The following CCDC6 variants were observed in gnomAD, a reference collection of about 807,000 sequenced individuals.
CCDC6 encodes coiled-coil domain-containing protein 6.
Under a neutral mutation model 56.6 loss-of-function variants are expected in CCDC6, and 20 were observed. The ratio of observed to expected loss-of-function variants is 0.35; its 90% CI spans 0.25 to 0.51. CCDC6 has a LOEUF of 0.51. Ranked by LOEUF, CCDC6 falls within the 20% of genes least tolerant of loss-of-function variation. CCDC6 has a pLI of 0.95. For missense variants in CCDC6, 367 were observed against 601.1 expected, an observed-to-expected ratio of 0.61 and a Z score of 4.07; for synonymous variants, 241 against 234.4, an observed-to-expected ratio of 1.03 and a Z score of -0.26.
At position 59,868,057 on chromosome 10, in the gene CCDC6, T is replaced by G. The variant is rs549119594; in HGVS notation, c.304-15355A>C. On this transcript the variant is annotated intron_variant, in intron 1 of 8. Transcript: ENST00000263102. The stretch of plus-strand genomic sequence containing the variant: ...ACCTCCTGAAGCTTTGTTACAGGCG[T>G]GTCCTTAACCTTGGCAAAATAAACT... Among the ~76,000 whole-genome samples the G allele has an allele frequency of 5.2e-4, 79 of 152,340 alleles. 1 individual carries two copies. The highest frequency in any genetic ancestry group is 1.7e-3 in the African/African-American group (71 of 41,580).
chr10:59,830,759 C>T (rs2132642839), intron 3 of CCDC6, among the ~76,000 whole-genome samples: 1 of 152,246 alleles, frequency 6.6e-6, no homozygotes, highest in South Asian at 2.1e-4. Flanking sequence ...GACTTTTTCC[C>T]AGGAACAATA....
rs781286341 is a variant in CCDC6 at position 59,792,683 on chromosome 10, C to T, written c.*234G>A. On this transcript the variant is annotated 3_prime_UTR_variant, in exon 9 of 9. Transcript: ENST00000263102. ...GCGAAGGTTCCAGCCAGGGAATGGA[C>T]GTACATGAAGATTCAAGTAAAACAC... The T allele has an allele frequency of 2.0e-5, 15 of 752,170 alleles. No individual in the cohort carries two copies. The highest frequency in any genetic ancestry group is 3.2e-5 in the Non-Finnish European group (13 of 410,342). 46.6% of individuals were successfully genotyped at this position (752,170 alleles called of 1,614,324 possible).
intron 1 of CCDC6, among the ~76,000 whole-genome samples, chr10:59,856,939 C>T (rs149747481): frequency 1.1e-3 from 167 of 152,206 alleles, no homozygotes; most frequent in African/African-American, 3.7e-3. Flanking sequence ...CCCTTTTGTA[C>T]GGTAGACTGG....
intron 3 of CCDC6, among the ~76,000 whole-genome samples, chr10:59,828,460 T>C (rs2132641545): frequency 6.6e-6 from 1 of 152,306 alleles, no homozygotes; most frequent in Admixed American, 6.5e-5. Context: ...CTAAAATAAA[T>C]GATTAAGAAC....
intron 1 of CCDC6, among the ~76,000 whole-genome samples, chr10:59,876,453 T>G (rs373281974): frequency 1.3e-5 from 2 of 152,048 alleles, no homozygotes; most frequent in Non-Finnish European, 2.9e-5. Flanking sequence ...GTTTCTAACA[T>G]TTTTGAAAAG....
intron 2 of CCDC6, among the ~76,000 whole-genome samples, chr10:59,842,038 T>C (rs796960264): frequency 2.7e-4 from 41 of 152,050 alleles, no homozygotes; most frequent in African/African-American, 8.4e-4. Context: ...GGCAGCCTTT[T>C]TGTAAACACT....
intron 1 of CCDC6, among the ~76,000 whole-genome samples, chr10:59,899,988 A>G (rs1479010750): frequency 1.3e-5 from 2 of 152,210 alleles, no homozygotes; most frequent in Non-Finnish European, 2.9e-5. Flanking sequence ...GAGTGGCTCT[A>G]TGAAGACAAG....
At chr10:59,832,971 A>T (rs1016511779) in intron 2 of CCDC6, among the ~76,000 whole-genome samples, 9 of 152,244 alleles carry the variant, frequency 5.9e-5, no homozygotes, top group African/African-American at 2.2e-4. Flanking sequence ...AATGAATTGC[A>T]GTTTATTCAG....
intron 1 of CCDC6, among the ~76,000 whole-genome samples, chr10:59,900,684 A>G (rs1190962471): frequency 6.6e-6 from 1 of 152,210 alleles, no homozygotes; most frequent in Non-Finnish European, 1.5e-5. Context: ...AGTCACCACA[A>G]ACCAGATACT....
In CCDC6 at chr10:59,835,932, G is replaced by T. The variant is rs552746601; in HGVS notation, c.454-3279C>A. ...GCTGGACACGGTGGTGCGCGCACCTGTAGTCCCAGCTACTCAGGAGACTGA... is the reference window on the plus strand; with the variant it reads ...GCTGGACACGGTGGTGCGCGCACCTTTAGTCCCAGCTACTCAGGAGACTGA... On this transcript the variant is annotated intron_variant, in intron 2 of 8. Transcript: ENST00000263102. Among the ~76,000 whole-genome samples the T allele has an allele frequency of 5.9e-4, 90 of 151,676 alleles. 3 individuals are homozygous for T. The South Asian group carries it at 0.016, about 27-fold the overall frequency.
intron 1 of CCDC6, among the ~76,000 whole-genome samples, chr10:59,875,553 T>C (rs2071271628): frequency 6.6e-6 from 1 of 152,210 alleles, no homozygotes; most frequent in African/African-American, 2.4e-5. Flanking sequence ...CCTCAAGCAC[T>C]AGCAGTTCAT....
At chr10:59,834,473 G>A (rs2070863407) in intron 2 of CCDC6, among the ~76,000 whole-genome samples, 1 of 151,834 alleles carries the variant, frequency 6.6e-6, no homozygotes, top group African/African-American at 2.4e-5. Context: ...TTGAACCCAG[G>A]AGGCAGGGGT....
chr10:59,805,539 T>C (rs2070614059), intron 6 of CCDC6: 1 of 152,158 alleles, frequency 6.6e-6, no homozygotes, highest in East Asian at 1.9e-4. Context: ...TTCCTTAGAG[T>C]GTATCTTACC....
At chr10:59,822,005 C>G (rs530081393) in intron 3 of CCDC6, among the ~76,000 whole-genome samples, 2 of 152,212 alleles carry the variant, frequency 1.3e-5, no homozygotes, top group South Asian at 4.1e-4. Flanking sequence ...AAACAGCAAT[C>G]CATTAATATG....
rs1167007522 is a variant in CCDC6 at position 59,869,389 on chromosome 10, C to CAAAAA, written c.304-16692_304-16688dup. 5.4e-3 allele frequency among the ~76,000 whole-genome samples: 33 copies of CAAAAA among 6,096 alleles called. 11 individuals carry two copies. Among genetic ancestry groups the CAAAAA allele is most frequent in the African/African-American group, 0.01 (23 of 2,230 alleles). The allele number at this position is 6,096 out of a possible 152,430, so 4.0% of individuals were successfully genotyped here. ...GCAGTGAGACATGGACTTGCTCAGG[C>CAAAAA]AAAAAAAAAAAAAAAAAAAAAAAAA... On this transcript the variant is annotated intron_variant, in intron 1 of 8. Transcript: ENST00000263102.
At chr10:59,825,003 G>A (rs1240781106) in intron 3 of CCDC6, among the ~76,000 whole-genome samples, 1 of 152,170 alleles carries the variant, frequency 6.6e-6, no homozygotes, top group Non-Finnish European at 1.5e-5. Context: ...AAAATCGGTA[G>A]GTGCTCTACT....
chr10:59,858,596 C>T lies in CCDC6; in HGVS notation c.304-5894G>A, dbSNP rs118048640. On this transcript the variant is annotated intron_variant, in intron 1 of 8. Transcript: ENST00000263102. Reference sequence around the variant, plus strand: ...TTCATGAAAGACCAGGTAGTCGTCACTGCCCACCCCCATCTGCAGTGGACA... The same window carrying T: ...TTCATGAAAGACCAGGTAGTCGTCATTGCCCACCCCCATCTGCAGTGGACA... 7.5e-3 allele frequency among the ~76,000 whole-genome samples: 1,139 copies of T among 152,308 alleles called. 13 individuals are homozygous for T. The highest frequency in any genetic ancestry group is 9.8e-3 in the Non-Finnish European group (668 of 68,020).
chr10:59,789,236 G>A lies in CCDC6; in HGVS notation c.*3681C>T. 1 of 231,492 alleles carries A rather than the reference G, an allele frequency of 4.3e-6. No individual in the cohort carries two copies. Among genetic ancestry groups the A allele is most frequent in the East Asian group, 6.1e-5 (1 of 16,284 alleles). The allele number at this position is 231,492 out of a possible 1,614,324, so 14.3% of individuals were successfully genotyped here. Reference sequence around the variant, plus strand: ...GGTGCAGACTAAGTCAAGAACTAAAGTTGTGCAGTAACCCGAGTTAAGGCA... The same window carrying A: ...GGTGCAGACTAAGTCAAGAACTAAAATTGTGCAGTAACCCGAGTTAAGGCA... On this transcript the variant is annotated 3_prime_UTR_variant, in exon 9 of 9. Transcript: ENST00000263102.
At chr10:59,886,609 T>C (rs2071384806) in intron 1 of CCDC6, among the ~76,000 whole-genome samples, 1 of 152,212 alleles carries the variant, frequency 6.6e-6, no homozygotes, top group African/African-American at 2.4e-5. Flanking sequence ...ATGTTAGCAA[T>C]ATTTCCTGTA....
Sources: gnomAD v4.1 joint callset for allele counts (sites outside exome capture counted in the v4.1 genomes callset) on GRCh38, gnomAD v4.1.1 for gene constraint, MANE v1.5 for transcripts, NCBI Gene and HGNC (gene_info 2026-07-23, HGNC 2026-07-21) for gene names.